The following LHCGR variants were observed in gnomAD, a reference collection of about 807,000 sequenced individuals.
LHCGR encodes lutropin-choriogonadotropic hormone receptor.
LHCGR carries 55 observed loss-of-function variants against 60.7 expected under a neutral mutation model. The observed-to-expected ratio is 0.91, with a 90% CI of 0.73 to 1.13. The LOEUF is 1.13. Ranked by LOEUF, LHCGR falls within the 50% of genes most tolerant of loss-of-function variation. The pLI, the probability that LHCGR is intolerant of heterozygous loss-of-function variation, is 0.00. For missense variants in LHCGR, 862 were observed against 836.0 expected, an observed-to-expected ratio of 1.03 and a Z score of -0.38; for synonymous variants, 337 against 316.5, an observed-to-expected ratio of 1.06 and a Z score of -0.69.
At chr2:48,743,217 A>G (rs1470475892) in intron 1 of LHCGR, among the ~76,000 whole-genome samples, 1 of 152,126 alleles carries the variant, frequency 6.6e-6, no homozygotes, top group Admixed American at 6.5e-5. Flanking sequence ...TACCAACCAA[A>G]AAGAGTCCAG....
intron 8 of LHCGR, among the ~76,000 whole-genome samples, chr2:48,699,554 T>C (rs932266338): frequency 4.9e-4 from 74 of 152,306 alleles, no homozygotes; most frequent in African/African-American, 1.7e-3. Context: ...CAGTCTTTGA[T>C]TGATTAAGCC....
intron 8 of LHCGR, among the ~76,000 whole-genome samples, chr2:48,707,920 G>C (rs775628064): frequency 6.6e-6 from 1 of 152,120 alleles, no homozygotes; most frequent in African/African-American, 2.4e-5. Context: ...GTTCCTCCAG[G>C]TACAGTCTCT....
At chr2:48,694,429 C>T in intron 9 of LHCGR, 125 bp from the exon 10 acceptor site, 1 of 687,290 alleles carries the variant, frequency 1.5e-6, no homozygotes, top group South Asian at 1.6e-5. Flanking sequence ...TCGTTCTGCA[C>T]CATTGTCCTA....
intron 4 of LHCGR, among the ~76,000 whole-genome samples, chr2:48,724,013 C>T (rs953194528): frequency 3.3e-5 from 5 of 152,046 alleles, no homozygotes; most frequent in African/African-American, 1.2e-4. Context: ...CACATTTTCC[C>T]GTATTGCATT....
At chr2:48,700,948 A>G (rs1471877713) in intron 8 of LHCGR, among the ~76,000 whole-genome samples, 1 of 152,198 alleles carries the variant, frequency 6.6e-6, no homozygotes, top group African/African-American at 2.4e-5. Context: ...CGATAGTGGC[A>G]GGACTTACGA....
chr2:48,689,099 A>G (rs962983570), intron 10 of LHCGR, among the ~76,000 whole-genome samples: 8 of 151,126 alleles, frequency 5.3e-5, no homozygotes, highest in African/African-American at 1.9e-4. Flanking sequence ...ATATATATAC[A>G]TATATACACA....
chr2:48,751,187 C>A (rs1669940007), intron 1 of LHCGR, among the ~76,000 whole-genome samples: 1 of 152,244 alleles, frequency 6.6e-6, no homozygotes, highest in South Asian at 2.1e-4. Context: ...TACTTAATGC[C>A]TTTGCAACCA....
At chr2:48,719,049 A>T (rs1313575220) in intron 6 of LHCGR, among the ~76,000 whole-genome samples, 1 of 152,222 alleles carries the variant, frequency 6.6e-6, no homozygotes, top group African/African-American at 2.4e-5. Flanking sequence ...TAGGCCGGGC[A>T]TGGTGGCTCA....
At chr2:48,725,402 T>C (rs764895392) in intron 4 of LHCGR, among the ~76,000 whole-genome samples, 27 of 152,174 alleles carry the variant, frequency 1.8e-4, no homozygotes, top group Non-Finnish European at 3.4e-4. Flanking sequence ...CCCATACCCA[T>C]TGTCAACCTT....
intron 1 of LHCGR, among the ~76,000 whole-genome samples, chr2:48,752,616 A>G (rs1175551122): frequency 2.0e-5 from 3 of 151,512 alleles, no homozygotes; most frequent in Admixed American, 1.3e-4. Context: ...TGCATTCATC[A>G]TCAAGAAAAG....
In LHCGR at chr2:48,717,406, T is replaced by G. The variant is rs187846482; in HGVS notation, c.537-3352A>C. ...CTTTGGGCAAGTTACTTACCATCTCTCTACATTAGTTTCCTAATCTGAAAG... is the reference window on the plus strand; with the variant it reads ...CTTTGGGCAAGTTACTTACCATCTCGCTACATTAGTTTCCTAATCTGAAAG... On this transcript the variant is annotated intron_variant, in intron 6 of 10. Transcript: ENST00000294954. Among the ~76,000 whole-genome samples the G allele has an allele frequency of 2.4e-3, 372 of 152,344 alleles. 2 individuals carry two copies. Among genetic ancestry groups the G allele is most frequent in the African/African-American group, 8.5e-3 (352 of 41,582 alleles).
rs1297560125 is a variant in LHCGR, at chr2:48,686,775, TA to T, written c.*921del. 6.6e-6 allele frequency: 1 copy of T among 152,198 alleles called. No individual in the cohort carries two copies. The highest frequency in any genetic ancestry group is 1.5e-5 in the Non-Finnish European group (1 of 68,028). 9.4% of individuals were successfully genotyped at this position (152,198 alleles called of 1,614,324 possible). A position where few individuals can be genotyped will look rare whatever the true frequency, so the allele number is the denominator to read the frequency against. ...AAGGATAGAAATGATGAAACTTAATTATTTTTAAATATTTAAACATTTTATT... is the reference window on the plus strand; with the variant it reads ...AAGGATAGAAATGATGAAACTTAATTTTTTTAAATATTTAAACATTTTATT... On this transcript the variant is annotated 3_prime_UTR_variant, in exon 11 of 11. Transcript: ENST00000294954.
At chr2:48,706,136 T>A (rs1667655188) in intron 8 of LHCGR, among the ~76,000 whole-genome samples, 1 of 152,244 alleles carries the variant, frequency 6.6e-6, no homozygotes, top group Non-Finnish European at 1.5e-5. Flanking sequence ...AGGATTTTAT[T>A]TCTCCTTCAC....
At chr2:48,721,843 A>G in intron 6 of LHCGR, 1 of 468,538 alleles carries the variant, frequency 2.1e-6, no homozygotes, top group Admixed American at 2.4e-5. Context: ...AATCAGGGTC[A>G]CTGGGCTTTA....
At chr2:48,719,387 A>G (rs548784172) in intron 6 of LHCGR, among the ~76,000 whole-genome samples, 5 of 152,282 alleles carry the variant, frequency 3.3e-5, no homozygotes, top group Admixed American at 1.3e-4. Context: ...TCATGGGTGC[A>G]GCCTGGAATC....
chr2:48,688,448 C>T lies in LHCGR; in HGVS notation c.1349G>A (p.Ser450Asn), dbSNP rs752660137. The T allele has an allele frequency of 6.2e-7, 1 of 1,614,166 alleles. No homozygotes were observed. The highest frequency in any genetic ancestry group is 1.7e-5 in the Admixed American group (1 of 60,022). Residue 450 changes from serine to asparagine, a missense_variant, in exon 11 of 11, where the codon AGT (serine) becomes AAT (asparagine). Transcript: ENST00000294954. The surrounding 1 kb of genome is among the most constrained non-coding windows in gnomAD (Gnocchi z 5.2). ...STAGFFTVFA[S>N]ELSVYTLTVI... ...GGTGAGGGTGTAGACAGAAAGTTCA[C>T]TTGCGAATACAGTGAAAAAGCCAGC...
chr2:48,731,148 C>T, intron 2 of LHCGR, 79 bp downstream of exon 2: 1 of 937,736 alleles, frequency 1.1e-6, no homozygotes, highest in Non-Finnish European at 1.7e-6. Context: ...AAAATTATCC[C>T]CTTTCAAATG....
rs1169531700 is a variant in LHCGR at position 48,687,060 on chromosome 2, T to C, written c.*637A>G. 2.0e-5 allele frequency: 3 copies of C among 152,196 alleles called. No homozygotes were observed. The highest frequency in any genetic ancestry group is 3.8e-4 in the East Asian group (2 of 5,196). 9.4% of individuals were successfully genotyped at this position (152,196 alleles called of 1,614,324 possible). ...AAATTATAAATAAGTAGAATCCAGATAGGGCATAGATAAAAGTCTCTATAA... is the reference window on the plus strand; with the variant it reads ...AAATTATAAATAAGTAGAATCCAGACAGGGCATAGATAAAAGTCTCTATAA... On this transcript the variant is annotated 3_prime_UTR_variant, in exon 11 of 11. Transcript: ENST00000294954.
intron 1 of LHCGR, among the ~76,000 whole-genome samples, chr2:48,752,143 T>C (rs991671694): frequency 1.3e-5 from 2 of 152,238 alleles, no homozygotes; most frequent in Non-Finnish European, 2.9e-5. Flanking sequence ...ACATTTTAGA[T>C]TTTAAATACC....
Sources: gnomAD v4.1 joint callset for allele counts (sites outside exome capture counted in the v4.1 genomes callset) on GRCh38, gnomAD v4.1.1 for gene constraint, Gnocchi (gnomAD v3.1) non-coding constraint, MANE v1.5 for transcripts, NCBI Gene and HGNC (gene_info 2026-07-23, HGNC 2026-07-21) for gene names.